Variants in ENTREP2 observed in about 807,000 individuals in gnomAD.
ENTREP2 encodes the protein endosomal transmembrane epsin interactor 2.
At chr15:29,278,854 G>GGGGCTTAAACAACAAA in the ENTREP2 span, among the ~76,000 whole-genome samples, 1 of 152,274 alleles carries the variant, frequency 6.6e-6, no homozygotes, top group East Asian at 1.9e-4. Context: ...CACAGACTTG[G>GGGGCTTAAACAACAAA]GGGCTTAAAC....
At chr15:29,250,478 A>C in the ENTREP2 span, among the ~76,000 whole-genome samples, 2 of 152,152 alleles carry the variant, frequency 1.3e-5, no homozygotes, top group African/African-American at 2.4e-5. Context: ...AATAGAGGAG[A>C]CCAAATCTCC....
At chr15:29,657,815 A>G in the ENTREP2 span, among the ~76,000 whole-genome samples, 1 of 152,170 alleles carries the variant, frequency 6.6e-6, no homozygotes, top group Non-Finnish European at 1.5e-5. Context: ...TCAATTAGAT[A>G]ACCAAATTGT....
At chr15:29,601,595 C>A in the ENTREP2 span, among the ~76,000 whole-genome samples, 75 of 152,270 alleles carry the variant, frequency 4.9e-4, no homozygotes, top group African/African-American at 1.6e-3. Flanking sequence ...TTCACATGAT[C>A]AGCTATGTCT....
the ENTREP2 span, among the ~76,000 whole-genome samples, chr15:29,416,627 A>C: frequency 6.6e-6 from 1 of 152,178 alleles, no homozygotes; most frequent in Non-Finnish European, 1.5e-5. Context: ...CAATGGCAAC[A>C]AAAGCCAAAA....
chr15:29,184,456 C>T, the ENTREP2 span, among the ~76,000 whole-genome samples: 290 of 152,264 alleles, frequency 1.9e-3, 2 homozygotes, highest in East Asian at 0.018. Context: ...TCCTACTAAG[C>T]GGATCAGGTT....
the ENTREP2 span, among the ~76,000 whole-genome samples, chr15:29,124,929 T>C: frequency 6.6e-6 from 1 of 152,226 alleles, no homozygotes; most frequent in Admixed American, 6.5e-5. Context: ...GCCCTGCAGC[T>C]GGCCAGGCCT....
At chr15:29,653,313 TTTC>T in the ENTREP2 span, among the ~76,000 whole-genome samples, 1 of 152,332 alleles carries the variant, frequency 6.6e-6, no homozygotes, top group Admixed American at 6.5e-5. Flanking sequence ...TTCTTTCTTT[TTTC>T]TTCTTGTTTC....
chr15:29,125,116 G>A, the ENTREP2 span, among the ~76,000 whole-genome samples: 3 of 152,204 alleles, frequency 2.0e-5, no homozygotes, highest in Non-Finnish European at 2.9e-5. Flanking sequence ...GGACAGAGGC[G>A]TCAGGCGGGT....
At chr15:29,154,318 T>A in the ENTREP2 span, among the ~76,000 whole-genome samples, 1 of 152,090 alleles carries the variant, frequency 6.6e-6, no homozygotes, top group Admixed American at 6.5e-5. Context: ...GCATTATAAA[T>A]AAAAATATAA....
the ENTREP2 span, among the ~76,000 whole-genome samples, chr15:29,533,015 G>T: frequency 6.6e-6 from 1 of 152,306 alleles, no homozygotes. Context: ...AAGGGGAAAT[G>T]GCCATGTGCT....
the ENTREP2 span, among the ~76,000 whole-genome samples, chr15:29,371,252 C>T: frequency 6.6e-6 from 1 of 151,922 alleles, no homozygotes; most frequent in African/African-American, 2.4e-5. Flanking sequence ...AGAGCTCCCA[C>T]TTTCAAAGAT....
chr15:29,177,775 G>A, the ENTREP2 span, among the ~76,000 whole-genome samples: 1 of 152,070 alleles, frequency 6.6e-6, no homozygotes, highest in East Asian at 1.9e-4. Flanking sequence ...CAAGGGTGGC[G>A]GAGGTTGGTG....
At chr15:29,653,928 T>C in the ENTREP2 span, among the ~76,000 whole-genome samples, 1 of 152,342 alleles carries the variant, frequency 6.6e-6, no homozygotes, top group East Asian at 1.9e-4. Flanking sequence ...TGACTTCTAA[T>C]GTGTCCCTTA....
chr15:29,613,280 T>A, the ENTREP2 span: 3 of 182,978 alleles, frequency 1.6e-5, no homozygotes, highest in African/African-American at 4.8e-5. Flanking sequence ...TAGTGAGCAC[T>A]TTTGCTTAGA....
chr15:29,141,005 G>C, the ENTREP2 span, among the ~76,000 whole-genome samples: 11 of 152,330 alleles, frequency 7.2e-5, no homozygotes, highest in South Asian at 2.3e-3. Flanking sequence ...CGCTGGAGAA[G>C]AGCCCCTGCT....
the ENTREP2 span, chr15:29,570,395 T>C: frequency 1.3e-5 from 8 of 632,078 alleles, no homozygotes; most frequent in Non-Finnish European, 1.8e-5. Flanking sequence ...GGCCCCGGCG[T>C]TGGCCGCCGG....
At chr15:29,602,060 C>CT in the ENTREP2 span, among the ~76,000 whole-genome samples, 1 of 152,192 alleles carries the variant, frequency 6.6e-6, no homozygotes, top group Non-Finnish European at 1.5e-5. Flanking sequence ...TGTTGGAAGA[C>CT]TGAGTTATTT....
chr15:29,256,620 A>T, the ENTREP2 span, among the ~76,000 whole-genome samples: 1 of 152,174 alleles, frequency 6.6e-6, no homozygotes, highest in Non-Finnish European at 1.5e-5. Context: ...TTTTAAACTC[A>T]CATGGTTCCT....
chr15:29,151,952 A>T, the ENTREP2 span: 1 of 794,864 alleles, frequency 1.3e-6, no homozygotes, highest in South Asian at 1.5e-5. Context: ...CATCCACTTC[A>T]TGGAGGTTTT....
Sources: gnomAD v4.1 joint callset for allele counts (sites outside exome capture counted in the v4.1 genomes callset) on GRCh38, gnomAD v4.1.1 for gene constraint, MANE v1.5 for transcripts, NCBI Gene and HGNC (gene_info 2026-07-23, HGNC 2026-07-21) for gene names.